Variants in CST7 observed in about 807,000 individuals in gnomAD.
CST7 encodes cystatin-F.
In CST7, 15 loss-of-function variants were observed where a neutral mutation model predicts 13.1. That is an observed-to-expected ratio of 1.14 (90% confidence interval 0.77 to 1.76). CST7 has a LOEUF of 1.76. CST7 is among the 40% of genes most tolerant of loss of function. The pLI is 0.00. For missense variants in CST7, 193 were observed against 178.8 expected, an observed-to-expected ratio of 1.08 and a Z score of -0.45; for synonymous variants, 75 against 66.9, an observed-to-expected ratio of 1.12 and a Z score of -0.59.
intron 1 of CST7, among the ~76,000 whole-genome samples, chr20:24,951,028 A>G (rs925081950): frequency 3.3e-5 from 5 of 152,174 alleles, no homozygotes; most frequent in African/African-American, 1.2e-4. Flanking sequence ...GCTAGGGACT[A>G]TAACAGGGTG....
rs752259275 is a variant in CST7 at position 24,957,358 on chromosome 20, G to T, written c.142G>T (p.Gly48Ter). 37 of 1,613,786 alleles carry T rather than the reference G, an allele frequency of 2.3e-5. No homozygotes were observed. The South Asian group carries it at 3.8e-4, about 17-fold the overall frequency. The stretch of plus-strand genomic sequence containing the variant: ...TAAAACAATAAAGACCAATGACCCA[G>T]GAGTCCTCCAAGCAGCCAGATACAG... ...FPKTIKTNDP[G>*]VLQAARYSVE... The change falls in exon 2 of 4, where the codon GGA becomes TGA. Residue 48 changes from glycine (G) to a stop codon, truncating the protein, a stop_gained. Transcript: ENST00000480798. LOFTEE classifies it high-confidence loss of function.
At chr20:24,957,529 TAGGAGAGCAGGGCGGA>T in intron 2 of CST7, 70 bp downstream of exon 2, 1 of 1,453,790 alleles carries the variant, frequency 6.9e-7, no homozygotes, top group Non-Finnish European at 9.5e-7. Flanking sequence ...ACGCGACACC[TAGGAGAGCAGGGCGGA>T]TATAATGTGA....
At chr20:24,952,587 G>A (rs141203207) in intron 1 of CST7, among the ~76,000 whole-genome samples, 1 of 152,180 alleles carries the variant, frequency 6.6e-6, no homozygotes, top group African/African-American at 2.4e-5. Flanking sequence ...CCTCTAAGCT[G>A]GACTTGCACC....
At chr20:24,959,549 C>T (rs1042019511) in intron 3 of CST7, 86 bp from the exon 4 acceptor site, 2 of 1,221,426 alleles carry the variant, frequency 1.6e-6, no homozygotes, top group Non-Finnish European at 2.4e-6. Flanking sequence ...AGGAGAAGAG[C>T]TCCTCCATGA....
At chr20:24,957,560 C>G in intron 2 of CST7, 101 bp downstream of exon 2, 1 of 1,154,832 alleles carries the variant, frequency 8.7e-7, no homozygotes, top group South Asian at 1.4e-5. Context: ...ATGTGAAGTC[C>G]CTGCTGAGTG....
intron 1 of CST7, among the ~76,000 whole-genome samples, chr20:24,952,170 T>C (rs2087823534): frequency 6.6e-6 from 1 of 152,242 alleles, no homozygotes; most frequent in South Asian, 2.1e-4. Context: ...TTGATAATGA[T>C]TACAGTTTTG....
intron 2 of CST7, among the ~76,000 whole-genome samples, chr20:24,957,859 G>A (rs527337583): frequency 2.4e-4 from 37 of 152,292 alleles, no homozygotes; most frequent in Middle Eastern, 6.8e-3. Flanking sequence ...GTGCCCTGCA[G>A]CCCAGAGGTG....
rs1205970198 is a variant in CST7 at position 24,958,975 on chromosome 20, T to C, written c.291T>C (p.Thr97=). The C allele has an allele frequency of 6.2e-7, 1 of 1,614,018 alleles. No homozygotes were observed. Among genetic ancestry groups the C allele is most frequent in the Non-Finnish European group, 8.5e-7 (1 of 1,179,928 alleles). The change falls in exon 3 of 4, where the codon ACT becomes ACC. Residue 97 remains threonine, a synonymous_variant. Transcript: ENST00000480798. ...TGCTGGAGGTGGAAATTGGCAGAAC[T>C]ACCTGCAAGAAAAACCAGCACCTGC... ...KYMLEVEIGR[T]TCKKNQHLRL... is the part of the protein sequence containing the mutation.
chr20:24,949,894 C>A (rs138698519), intron 1 of CST7, among the ~76,000 whole-genome samples: 1 of 152,340 alleles, frequency 6.6e-6, no homozygotes, highest in East Asian at 1.9e-4. Context: ...AGCTCCTCTG[C>A]GGGACGGAGG....
At chr20:24,958,844 A>T in intron 2 of CST7, 84 bp from the exon 3 acceptor site, 1 of 993,218 alleles carries the variant, frequency 1.0e-6, no homozygotes. Context: ...CACCTGCACC[A>T]CTGTCTTGAG....
At chr20:24,958,883 C>A in intron 2 of CST7, 45 bp from the exon 3 acceptor site, 1 of 1,428,250 alleles carries the variant, frequency 7.0e-7, no homozygotes, top group Non-Finnish European at 9.9e-7. Context: ...GAAGCCTGCC[C>A]TCCCTCCCCT....
At chr20:24,950,163 G>A (rs2087810686) in intron 1 of CST7, among the ~76,000 whole-genome samples, 1 of 152,186 alleles carries the variant, frequency 6.6e-6, no homozygotes. Flanking sequence ...GGGACAACCT[G>A]CTCTCCCCCA....
chr20:24,953,407 G>A lies in CST7; in HGVS notation c.70+3832G>A, dbSNP rs1041136869. ...TTTCGTGATGATCCTGTTCCTCCGT[G>A]GGGGGTTTCCAAACTGGTTGCTGGA... is the stretch of plus-strand genomic sequence containing the variant. On this transcript the variant is annotated intron_variant, in intron 1 of 3. Transcript: ENST00000480798. 3.2e-4 allele frequency among the ~76,000 whole-genome samples: 49 copies of A among 152,090 alleles called. 1 individual carries two copies. The highest frequency in any genetic ancestry group is 2.0e-3 in the Admixed American group (31 of 15,278).
Position 24,959,668 on chromosome 20 carries a change from C to A in CST7, c.394C>A (p.Pro132Thr), listed in dbSNP as rs759262577. Residue 132 changes from proline to threonine, a missense_variant, in exon 4 of 4, where the codon CCC becomes ACC. Transcript: ENST00000480798. Reference protein sequence around the residue: ...LSCYSEVWVVPWLQHFEVPVL... With the variant: ...LSCYSEVWVVTWLQHFEVPVL... The stretch of plus-strand genomic sequence containing the variant: ...CTGCTACTCTGAAGTCTGGGTCGTG[C>A]CCTGGCTCCAGCACTTCGAGGTGCC... The A allele has an allele frequency of 1.1e-5, 18 of 1,613,972 alleles. No individual in the cohort carries two copies. The East Asian group carries it at 3.8e-4, about 34-fold the overall frequency.
chr20:24,949,647 TC>T, intron 1 of CST7, 72 bp downstream of exon 1: 1 of 1,578,756 alleles, frequency 6.3e-7, no homozygotes, highest in South Asian at 1.1e-5. Flanking sequence ...CCTTGGGTCT[TC>T]CCCAGGGCAC....
chr20:24,958,845 C>A, intron 2 of CST7, 83 bp from the exon 3 acceptor site: 1 of 1,010,436 alleles, frequency 9.9e-7, no homozygotes, highest in Non-Finnish European at 1.6e-6. Flanking sequence ...ACCTGCACCA[C>A]TGTCTTGAGG....
intron 1 of CST7, among the ~76,000 whole-genome samples, chr20:24,951,590 C>T (rs1417478801): frequency 1.3e-5 from 2 of 152,186 alleles, no homozygotes; most frequent in East Asian, 3.9e-4. Context: ...ACAGCCCCTC[C>T]GCTGCCTCCT....
rs1056033 is a variant in CST7 at position 24,958,954 on chromosome 20, G to C, written c.270G>C (p.Leu90=). The change falls in exon 3 of 4, where the codon CTG becomes CTC. Residue 90 remains leucine (L), a synonymous_variant. Coordinates refer to ENST00000480798, the MANE Select transcript of CST7 (RefSeq NM_003650.4). ...TAGTGAAAGGCCTGAAATATATGCT[G>C]GAGGTGGAAATTGGCAGAACTACCT... ...VQIVKGLKYM[L]EVEIGRTTCK... 0.51 allele frequency: 829,825 copies of C among 1,612,066 alleles called. 221,645 individuals are homozygous for C. Among genetic ancestry groups the C allele is most frequent in the East Asian group, 0.92 (41,371 of 44,860 alleles).
chr20:24,953,984 A>G (rs900973123), intron 1 of CST7, among the ~76,000 whole-genome samples: 4 of 151,938 alleles, frequency 2.6e-5, no homozygotes, highest in Middle Eastern at 3.4e-3. Context: ...CCCCTAGGCC[A>G]GTTCAGCCAC....
Sources: allele counts gnomAD v4.1 joint callset (sites outside exome capture counted in the v4.1 genomes callset), GRCh38; gene constraint gnomAD v4.1.1; transcripts MANE v1.5; gene names NCBI Gene and HGNC (gene_info 2026-07-23, HGNC 2026-07-21).